INSYN2B: variants seen among roughly 807,000 people sequenced by gnomAD.
INSYN2B encodes the protein inhibitory synaptic factor family member 2B, also known as protein INSYN2B.
In INSYN2B, 16 loss-of-function variants were observed where a neutral mutation model predicts 41.2. That is an observed-to-expected ratio of 0.39 (90% CI 0.26 to 0.59). The LOEUF (loss-of-function observed/expected upper bound fraction) is 0.59. Among genes scored for constraint, INSYN2B ranks in the 20% least tolerant of loss-of-function variants. INSYN2B has a pLI of 0.57. For missense variants in INSYN2B, 608 were observed against 646.4 expected, an observed-to-expected ratio of 0.94 and a Z score of 0.64; for synonymous variants, 245 against 244.4, an observed-to-expected ratio of 1.00 and a Z score of -0.02.
chr5:169,903,385 G>A lies in INSYN2B; in HGVS notation c.-918-18569C>T, dbSNP rs550423264. Among the ~76,000 whole-genome samples the A allele has an allele frequency of 7.2e-5, 11 of 152,098 alleles. No homozygotes were observed. In the South Asian group the frequency reaches 2.1e-3, roughly 29 times the overall value. ...AAATACCCACCAAGAGGAAGTCGGG[G>A]TGCCGCAGGAGTCCCTTGGAGCAGC... On this transcript the variant is annotated intron_variant, in intron 1 of 3. Transcript: ENST00000377365.
At chr5:169,866,488 T>G (rs567683106) in intron 3 of INSYN2B, among the ~76,000 whole-genome samples, 1 of 152,214 alleles carries the variant, frequency 6.6e-6, no homozygotes, top group Non-Finnish European at 1.5e-5. Flanking sequence ...ACACGCAGCA[T>G]AGAGTAGGCA....
chr5:169,939,762 A>G (rs1475006001), intron 1 of INSYN2B, among the ~76,000 whole-genome samples: 1 of 152,182 alleles, frequency 6.6e-6, no homozygotes, highest in Non-Finnish European at 1.5e-5. Flanking sequence ...CTTATAAGGA[A>G]CTCAGCTCTA....
chr5:169,880,118 A>T (rs2113495505), intron 3 of INSYN2B, among the ~76,000 whole-genome samples: 1 of 152,346 alleles, frequency 6.6e-6, no homozygotes, highest in Middle Eastern at 3.4e-3. Flanking sequence ...ACTTCTGCTT[A>T]GGCTTTCCAA....
chr5:169,959,808 G>T (rs1240485845), intron 1 of INSYN2B, among the ~76,000 whole-genome samples: 1 of 152,138 alleles, frequency 6.6e-6, no homozygotes, highest in African/African-American at 2.4e-5. Context: ...GTGGAAACCA[G>T]GTAGAATGCT....
At chr5:169,881,788 T>C (rs1023781618) in intron 2 of INSYN2B, among the ~76,000 whole-genome samples, 2 of 152,214 alleles carry the variant, frequency 1.3e-5, no homozygotes, top group African/African-American at 2.4e-5. Flanking sequence ...TTCTCTCCTA[T>C]ACGGCAGTGC....
chr5:169,955,582 G>C (rs1776832220), intron 1 of INSYN2B, among the ~76,000 whole-genome samples: 1 of 152,154 alleles, frequency 6.6e-6, no homozygotes, highest in South Asian at 2.1e-4. Context: ...TGACCTTGTT[G>C]GTTCTTTCCA....
chr5:169,881,578 G>A, intron 2 of INSYN2B, 136 bp from the exon 3 acceptor site: 1 of 667,810 alleles, frequency 1.5e-6, no homozygotes, highest in Non-Finnish European at 2.7e-6. Flanking sequence ...TTACAAATAA[G>A]GAAACAAGAA....
At chr5:169,972,578 TA>T (rs1460964705) in intron 1 of INSYN2B, among the ~76,000 whole-genome samples, 10,760 of 59,154 alleles carry the variant, frequency 0.18, 428 homozygotes, top group African/African-American at 0.22. Flanking sequence ...GATAGATAGA[TA>T]GATAGATGAT....
intron 1 of INSYN2B, among the ~76,000 whole-genome samples, chr5:169,934,447 G>A (rs774596090): frequency 1.3e-5 from 2 of 152,168 alleles, no homozygotes; most frequent in African/African-American, 2.4e-5. Context: ...TGTCCCCAGT[G>A]CCCACACCAC....
chr5:169,900,667 G>A (rs1773873502), intron 1 of INSYN2B, among the ~76,000 whole-genome samples: 1 of 152,132 alleles, frequency 6.6e-6, no homozygotes, highest in African/African-American at 2.4e-5. Flanking sequence ...AGTATTACAT[G>A]CTTTGGATGA....
intron 1 of INSYN2B, among the ~76,000 whole-genome samples, chr5:169,932,957 G>A (rs547938021): frequency 6.0e-4 from 90 of 151,014 alleles, no homozygotes; most frequent in Admixed American, 4.5e-3. Flanking sequence ...TCCTCCCACC[G>A]TCAAGCCCTT....
chr5:169,916,629 A>G (rs773046878), intron 1 of INSYN2B, among the ~76,000 whole-genome samples: 1 of 152,182 alleles, frequency 6.6e-6, no homozygotes, highest in Non-Finnish European at 1.5e-5. Context: ...TGCTTAGAAG[A>G]GTACCTGGCA....
intron 1 of INSYN2B, among the ~76,000 whole-genome samples, chr5:169,930,595 G>T (rs986212230): frequency 6.6e-6 from 1 of 152,234 alleles, no homozygotes; most frequent in Non-Finnish European, 1.5e-5. Flanking sequence ...TGAATGTGGT[G>T]GCTGCCAAAT....
At chr5:169,944,057 A>G (rs1181293107) in intron 1 of INSYN2B, among the ~76,000 whole-genome samples, 1 of 152,212 alleles carries the variant, frequency 6.6e-6, no homozygotes, top group Non-Finnish European at 1.5e-5. Context: ...AGTGCTGACC[A>G]TGTGCCAGGA....
chr5:169,968,156 T>G (rs571725962), intron 1 of INSYN2B, among the ~76,000 whole-genome samples: 1 of 152,314 alleles, frequency 6.6e-6, no homozygotes, highest in South Asian at 2.1e-4. Context: ...TGTAATCTCA[T>G]GAGAAATGGC....
chr5:169,903,172 G>A (rs1774041371), intron 1 of INSYN2B, among the ~76,000 whole-genome samples: 1 of 151,954 alleles, frequency 6.6e-6, no homozygotes, highest in Non-Finnish European at 1.5e-5. Flanking sequence ...AGCTACTGGG[G>A]AAGCTGAGGT....
chr5:169,973,521 A>G (rs1477720588), intron 1 of INSYN2B, among the ~76,000 whole-genome samples: 1 of 152,148 alleles, frequency 6.6e-6, no homozygotes, highest in African/African-American at 2.4e-5. Context: ...CCATTCACAA[A>G]GAGAGAACTG....
intron 1 of INSYN2B, among the ~76,000 whole-genome samples, chr5:169,941,439 A>T (rs1776242502): frequency 6.6e-6 from 1 of 152,082 alleles, no homozygotes; most frequent in Non-Finnish European, 1.5e-5. Flanking sequence ...CTGAAGGCAG[A>T]GGGCAGGTGG....
intron 3 of INSYN2B, among the ~76,000 whole-genome samples, chr5:169,876,124 G>A (rs568880616): frequency 1.3e-5 from 2 of 152,226 alleles, no homozygotes; most frequent in East Asian, 3.9e-4. Flanking sequence ...TGCCTCTGGC[G>A]TCACATCTCC....
Sources: allele counts gnomAD v4.1 joint callset (sites outside exome capture counted in the v4.1 genomes callset), GRCh38; gene constraint gnomAD v4.1.1; transcripts MANE v1.5; gene names NCBI Gene and HGNC (gene_info 2026-07-23, HGNC 2026-07-21).